The following TAFA5 variants were observed in gnomAD, a reference collection of about 807,000 sequenced individuals.
TAFA5 encodes TAFA chemokine like family member 5.
A neutral mutation model predicts 15.3 loss-of-function variants in TAFA5; 6 were observed. The ratio of observed to expected loss-of-function variants is 0.39; its 90% CI spans 0.21 to 0.77. The LOEUF (loss-of-function observed/expected upper bound fraction) is 0.77, where lower values mean the gene tolerates loss of function less well. Among genes scored for constraint, TAFA5 ranks in the 30% least tolerant of loss-of-function variants. TAFA5 has a pLI of 0.41. For missense variants in TAFA5, 161 were observed against 193.1 expected (o/e 0.83, Z 0.98); for synonymous variants, 103 against 80.7 (o/e 1.28, Z -1.48).
chr22:48,542,581 TGCG>T (rs1922477806), intron 1 of TAFA5, among the ~76,000 whole-genome samples: 4 of 114,334 alleles, frequency 3.5e-5, no homozygotes, highest in African/African-American at 1.4e-4. Context: ...GTGGTGTGTG[TGCG>T]GGTGTGTGGT....
rs1930214760 is a variant in TAFA5, at chr22:48,742,654, G to A, written c.391-7185G>A. On this transcript the variant is annotated intron_variant, in intron 3 of 3. Coordinates refer to ENST00000402357, the MANE Select transcript of TAFA5 (RefSeq NM_001082967.3). This position sits in a 1 kb window ranked among gnomAD's most constrained non-coding sequence, Gnocchi z 6.2. ...AACGTGGTAGACCGGGCCGCATGGT[G>A]GACCAGGCAACGTGGTAGACCGGGC... is the stretch of plus-strand genomic sequence containing the variant. Among the ~76,000 whole-genome samples the A allele has an allele frequency of 6.6e-6, 1 of 152,164 alleles. No homozygotes were observed. The highest frequency in any genetic ancestry group is 1.5e-5 in the Non-Finnish European group (1 of 68,022).
chr22:48,714,753 G>T (rs894085751), intron 3 of TAFA5, among the ~76,000 whole-genome samples: 1 of 152,178 alleles, frequency 6.6e-6, no homozygotes, highest in Non-Finnish European at 1.5e-5. Flanking sequence ...CAATGACCAC[G>T]TTCTGAGTGG....
At chr22:48,507,902 C>T (rs931179430) in intron 1 of TAFA5, among the ~76,000 whole-genome samples, 1 of 152,132 alleles carries the variant, frequency 6.6e-6, no homozygotes, top group Non-Finnish European at 1.5e-5. Context: ...CAGCACGAGG[C>T]CCATCTGCAG....
Position 48,561,008 on chromosome 22 carries a change from G to T in TAFA5, c.112+71304G>T, listed in dbSNP as rs16999457. Among the ~76,000 whole-genome samples, 1,210 of 152,292 alleles carry T rather than the reference G, an allele frequency of 7.9e-3. 16 individuals are homozygous for T. Among genetic ancestry groups the T allele is most frequent in the African/African-American group, 0.028 (1,166 of 41,560 alleles). On this transcript the variant is annotated intron_variant, in intron 1 of 3. Coordinates refer to ENST00000402357, the MANE Select transcript of TAFA5 (RefSeq NM_001082967.3). ...ACCTGGGGATGGAGCGGTTCCCTGT[G>T]TGGGTGACACTGGGATTTGTCTGGG...
intron 2 of TAFA5, among the ~76,000 whole-genome samples, chr22:48,697,240 A>T (rs1451459087): frequency 3.9e-5 from 6 of 152,148 alleles, no homozygotes; most frequent in African/African-American, 7.2e-5. Context: ...CTTCACCTAG[A>T]ATTGCCATAG....
intron 1 of TAFA5, among the ~76,000 whole-genome samples, chr22:48,578,861 A>C (rs9615931): frequency 4.0e-5 from 6 of 150,098 alleles, no homozygotes; most frequent in South Asian, 2.2e-4. Context: ...AGGTGCAGGG[A>C]GGGGGGTGGC....
intron 1 of TAFA5, among the ~76,000 whole-genome samples, chr22:48,520,064 C>T (rs961813496): frequency 2.6e-5 from 4 of 152,230 alleles, no homozygotes; most frequent in Admixed American, 6.5e-5. Context: ...CAGAGGAAGA[C>T]GCCCTGTGGA....
At chr22:48,579,324 G>A (rs1004187446) in intron 1 of TAFA5, among the ~76,000 whole-genome samples, 13 of 152,210 alleles carry the variant, frequency 8.5e-5, no homozygotes, top group Non-Finnish European at 1.6e-4. Context: ...CGTGGGGTCC[G>A]GCACTGGGGC....
At chr22:48,708,359 C>T (rs1186507682) in intron 3 of TAFA5, among the ~76,000 whole-genome samples, 1 of 152,226 alleles carries the variant, frequency 6.6e-6, no homozygotes, top group African/African-American at 2.4e-5. Flanking sequence ...CCTTCAGCTC[C>T]TCTCTGTCCC....
chr22:48,661,384 C>T (rs1338656813), intron 2 of TAFA5, among the ~76,000 whole-genome samples: 2 of 152,204 alleles, frequency 1.3e-5, no homozygotes, highest in African/African-American at 4.8e-5. Flanking sequence ...GTGCAGGCCT[C>T]GAACCCCGGC....
At chr22:48,662,720 C>T (rs942653255) in intron 2 of TAFA5, among the ~76,000 whole-genome samples, 1 of 152,198 alleles carries the variant, frequency 6.6e-6, no homozygotes, top group African/African-American at 2.4e-5. Context: ...GACTGGCAAG[C>T]CTGCTTGGGT....
At chr22:48,723,610 C>T (rs1370457399) in intron 3 of TAFA5, among the ~76,000 whole-genome samples, 1 of 152,224 alleles carries the variant, frequency 6.6e-6, no homozygotes, top group African/African-American at 2.4e-5. Context: ...GGTCAGATCC[C>T]ACCATCCTCC....
At chr22:48,702,868 G>T (rs992727096) in intron 2 of TAFA5, among the ~76,000 whole-genome samples, 4 of 152,228 alleles carry the variant, frequency 2.6e-5, no homozygotes, top group Admixed American at 6.5e-5. Context: ...GTGGGCTGGG[G>T]TGGGTGAGCC....
rs1601686625 is a variant in TAFA5, at chr22:48,705,622, A to G, written c.263-2095A>G. On this transcript the variant is annotated intron_variant, in intron 2 of 3. Transcript: ENST00000402357. ...ATTGGCTGACCCTGTGCAAAATGAA[A>G]TGCAAGGCCCTTGTTAAAAATTATT... Among the ~76,000 whole-genome samples, 7 of 152,344 alleles carry G rather than the reference A, an allele frequency of 4.6e-5. No homozygotes were observed. The South Asian group carries it at 1.4e-3, about 32-fold the overall frequency.
At chr22:48,728,949 C>T (rs1015282807) in intron 3 of TAFA5, among the ~76,000 whole-genome samples, 1 of 152,072 alleles carries the variant, frequency 6.6e-6, no homozygotes, top group Non-Finnish European at 1.5e-5. Flanking sequence ...ACCTGTTGCA[C>T]CAGTCAGCCA....
intron 2 of TAFA5, among the ~76,000 whole-genome samples, chr22:48,688,288 G>GA (rs1465973352): frequency 6.6e-6 from 1 of 152,086 alleles, no homozygotes; most frequent in Non-Finnish European, 1.5e-5. Context: ...ACTATTTAAA[G>GA]AAAAAATAAT....
intron 1 of TAFA5, among the ~76,000 whole-genome samples, chr22:48,505,356 A>G (rs1313329605): frequency 6.6e-6 from 1 of 152,188 alleles, no homozygotes; most frequent in African/African-American, 2.4e-5. Flanking sequence ...ACAAAAGTCC[A>G]TGGCCACTGC....
At chr22:48,734,136 TGA>T (rs1241376837) in intron 3 of TAFA5, among the ~76,000 whole-genome samples, 2 of 152,104 alleles carry the variant, frequency 1.3e-5, no homozygotes, top group Non-Finnish European at 2.9e-5. Flanking sequence ...ATGAAATAAA[TGA>T]GAGGGGAAAA....
chr22:48,657,115 C>G (rs577616009), intron 2 of TAFA5, among the ~76,000 whole-genome samples: 13 of 152,066 alleles, frequency 8.5e-5, no homozygotes, highest in African/African-American at 2.4e-4. Context: ...AAATCTCTAG[C>G]TAGGCTGATA....
Sources: allele counts gnomAD v4.1 joint callset (sites outside exome capture counted in the v4.1 genomes callset), GRCh38; gene constraint gnomAD v4.1.1; non-coding constraint Gnocchi (gnomAD v3.1); transcripts MANE v1.5; gene names NCBI Gene and HGNC (gene_info 2026-07-23, HGNC 2026-07-21).